Variants in CCDC138 observed in about 807,000 individuals in gnomAD.
The protein encoded by CCDC138 is coiled-coil domain containing 138.
Under a neutral mutation model 82.3 loss-of-function variants are expected in CCDC138, and 66 were observed. That is an observed-to-expected ratio of 0.80 (90% CI 0.66 to 0.98). The LOEUF (loss-of-function observed/expected upper bound fraction) is 0.98. Ranked by LOEUF, CCDC138 falls within the 50% of genes least tolerant of loss-of-function variation. The probability of loss-of-function intolerance (pLI) is 0.00; values close to 1 mark genes in which losing one functional copy is unlikely to be tolerated. For synonymous variants in CCDC138, 297 were observed against 265.4 expected, an observed-to-expected ratio of 1.12 and a Z score of -1.16; for missense variants, 816 against 758.9, an observed-to-expected ratio of 1.08 and a Z score of -0.88.
At chr2:108,837,445 A>G (rs563205512) in intron 10 of CCDC138, among the ~76,000 whole-genome samples, 1 of 152,336 alleles carries the variant, frequency 6.6e-6, no homozygotes, top group South Asian at 2.1e-4. Flanking sequence ...ATGATGTTTA[A>G]GACAATGGTA....
chr2:108,791,479 T>C (rs1013548367), intron 3 of CCDC138, 196 bp from the exon 4 acceptor site: 1 of 602,442 alleles, frequency 1.7e-6, no homozygotes, highest in Non-Finnish European at 3.0e-6. Context: ...TAGAAAAAGA[T>C]GCTTGTAGTG....
chr2:108,786,822 T>A lies in CCDC138; in HGVS notation c.-1T>A, dbSNP rs777285125. On this transcript the variant is annotated 5_prime_UTR_variant, in exon 1 of 15. Coordinates refer to ENST00000295124, the MANE Select transcript of CCDC138 (RefSeq NM_144978.3). Reference sequence around the variant, plus strand: ...GGAGACTGGTACGGTTGCTGTGTGCTATGGAGCCGAGGGTCGTCAAGCCAC... The same window carrying A: ...GGAGACTGGTACGGTTGCTGTGTGCAATGGAGCCGAGGGTCGTCAAGCCAC... 25 of 1,588,180 alleles carry A rather than the reference T, an allele frequency of 1.6e-5. No homozygotes were observed. The highest frequency in any genetic ancestry group is 2.1e-5 in the Non-Finnish European group (25 of 1,168,566).
chr2:108,802,606 C>T (rs6542780), intron 6 of CCDC138, among the ~76,000 whole-genome samples: 135,505 of 136,228 alleles, frequency 0.99, 67,402 homozygotes, highest in Middle Eastern at 1. Context: ...CTTTTCCTAA[C>T]TGAATACCTT....
chr2:108,811,864 A>G (rs1450048834), intron 7 of CCDC138, among the ~76,000 whole-genome samples: 1 of 152,170 alleles, frequency 6.6e-6, no homozygotes, highest in African/African-American at 2.4e-5. Context: ...ATGAGAACAT[A>G]CAGTATTTAA....
chr2:108,815,495 C>CTT lies in CCDC138; in HGVS notation c.1042-445_1042-444dup, dbSNP rs532392678. 2.2e-3 allele frequency among the ~76,000 whole-genome samples: 201 copies of CTT among 90,656 alleles called. 1 individual carries two copies. The highest frequency in any genetic ancestry group is 8.1e-3 in the African/African-American group (190 of 23,332). The allele number at this position is 90,656 out of a possible 152,430, so 59.5% of individuals were successfully genotyped here. A position where few individuals can be genotyped will look rare whatever the true frequency, so the allele number is the denominator to read the frequency against. ...TTTTTTTTTTTTTTTGAGATGGAGTCTTGCTCTTTTGCCCAGATTGGTGTG... is the reference window on the plus strand; with the variant it reads ...TTTTTTTTTTTTTTTGAGATGGAGTCTTTTGCTCTTTTGCCCAGATTGGTGTG... On this transcript the variant is annotated intron_variant, in intron 9 of 14. Coordinates refer to ENST00000295124, the MANE Select transcript of CCDC138 (RefSeq NM_144978.3).
At chr2:108,808,723 T>C (rs1683267736) in intron 7 of CCDC138, among the ~76,000 whole-genome samples, 1 of 152,174 alleles carries the variant, frequency 6.6e-6, no homozygotes, top group Admixed American at 6.5e-5. Context: ...TTTTTGCTGT[T>C]GAGTTCCTTG....
intron 5 of CCDC138, among the ~76,000 whole-genome samples, chr2:108,796,749 C>T (rs1213618923): frequency 6.6e-6 from 1 of 152,112 alleles, no homozygotes; most frequent in Middle Eastern, 3.4e-3. Context: ...TGTTCTCACT[C>T]GTGTGGGGTG....
chr2:108,841,579 A>G (rs1689489097), intron 11 of CCDC138, among the ~76,000 whole-genome samples: 1 of 152,078 alleles, frequency 6.6e-6, no homozygotes, highest in Non-Finnish European at 1.5e-5. Context: ...CATTTGATTC[A>G]TGTTCTAAAA....
intron 10 of CCDC138, among the ~76,000 whole-genome samples, chr2:108,821,905 G>A (rs1482429533): frequency 1.4e-5 from 2 of 139,354 alleles, no homozygotes; most frequent in Non-Finnish European, 1.5e-5. Flanking sequence ...TCCAGCATGG[G>A]CAACAAGAGC....
At chr2:108,828,668 T>C (rs1574102381) in intron 10 of CCDC138, among the ~76,000 whole-genome samples, 1 of 152,296 alleles carries the variant, frequency 6.6e-6, no homozygotes, top group East Asian at 1.9e-4. Flanking sequence ...GTATGAGCCT[T>C]ACCTTATACG....
chr2:108,861,472 CTT>C (rs201132350), intron 13 of CCDC138, among the ~76,000 whole-genome samples: 3 of 123,552 alleles, frequency 2.4e-5, no homozygotes, highest in African/African-American at 1.2e-4. Context: ...AACTTTCTTC[CTT>C]TTTTTTTTTT....
chr2:108,831,704 C>CCTTCCTTCCTTCCTTCCTTCCTTCCTTT (rs1687671890), intron 10 of CCDC138, among the ~76,000 whole-genome samples: 2 of 141,562 alleles, frequency 1.4e-5, no homozygotes, highest in African/African-American at 5.3e-5. Context: ...ACAGAATCTT[C>CCTTCCTTCCTTCCTTCCTTCCTTCCTTT]CTTCCTTCCT....
intron 4 of CCDC138, among the ~76,000 whole-genome samples, chr2:108,794,012 G>A (rs1174374249): frequency 6.6e-6 from 1 of 152,118 alleles, no homozygotes; most frequent in African/African-American, 2.4e-5. Flanking sequence ...TGTATACAGT[G>A]TTTGCAAAAT....
intron 10 of CCDC138, among the ~76,000 whole-genome samples, chr2:108,820,067 C>T (rs1685413766): frequency 1.3e-5 from 2 of 150,936 alleles, no homozygotes; most frequent in Non-Finnish European, 2.9e-5. Context: ...CAACAGCAGA[C>T]TTCATTACGC....
intron 12 of CCDC138, among the ~76,000 whole-genome samples, chr2:108,853,893 A>G (rs894559398): frequency 2.4e-5 from 3 of 123,096 alleles, no homozygotes; most frequent in Admixed American, 1.1e-4. Flanking sequence ...ATTATATAGT[A>G]TATATATTAT....
At chr2:108,848,309 A>T (rs1690838404) in intron 12 of CCDC138, among the ~76,000 whole-genome samples, 1 of 152,204 alleles carries the variant, frequency 6.6e-6, no homozygotes, top group Non-Finnish European at 1.5e-5. Context: ...GCTCTCTGTC[A>T]CCACTTGTGT....
chr2:108,880,865 C>T (rs949294926), downstream of CCDC138, among the ~76,000 whole-genome samples: 1 of 152,194 alleles, frequency 6.6e-6, no homozygotes, highest in African/African-American at 2.4e-5. Context: ...AACATAACAT[C>T]CATTCTGCAG....
Position 108,794,657 on chromosome 2 carries a change from G to A in CCDC138, c.512G>A (p.Ser171Asn), listed in dbSNP as rs766351192. Residue 171 changes from serine to asparagine, a missense_variant, in exon 5 of 15, where the codon AGT (serine) becomes AAT (asparagine). Physicochemically the swap from Ser to Asn is conservative, Grantham distance 46. Coordinates refer to ENST00000295124, the MANE Select transcript of CCDC138 (RefSeq NM_144978.3). Reference protein sequence around the residue: ...CPKSKASDKRSLLPHQISQIY... With the variant: ...CPKSKASDKRNLLPHQISQIY... The stretch of plus-strand genomic sequence containing the variant: ...AAATCTAAAGCATCAGACAAGCGGA[G>A]TTTACTTCCACATCAGATCAGTCAG... The A allele has an allele frequency of 6.2e-7, 1 of 1,614,040 alleles. No homozygotes were observed. Among genetic ancestry groups the A allele is most frequent in the Non-Finnish European group, 8.5e-7 (1 of 1,179,994 alleles).
chr2:108,879,277 T>C (rs1310968979), downstream of CCDC138, among the ~76,000 whole-genome samples: 2 of 152,240 alleles, frequency 1.3e-5, no homozygotes, highest in African/African-American at 4.8e-5. Flanking sequence ...TAGCCTACAG[T>C]CTTTTATAAA....
Sources: gnomAD v4.1 joint callset for allele counts (sites outside exome capture counted in the v4.1 genomes callset) on GRCh38, gnomAD v4.1.1 for gene constraint, MANE v1.5 for transcripts, NCBI Gene and HGNC (gene_info 2026-07-23, HGNC 2026-07-21) for gene names.